LRRC28: variants seen among roughly 807,000 people sequenced by gnomAD.
LRRC28 encodes the protein leucine rich repeat containing 28, also known as leucine-rich repeat-containing protein 28.
LRRC28 carries 39 observed loss-of-function variants against 45.7 expected under a neutral mutation model. That is an observed-to-expected ratio of 0.85 (90% confidence interval 0.66 to 1.12). The LOEUF is 1.12. Among genes scored for constraint, LRRC28 ranks in the 50% most tolerant of loss-of-function variants. The pLI, the probability that LRRC28 is intolerant of heterozygous loss-of-function variation, is 0.00. For synonymous variants in LRRC28, 206 were observed against 178.8 expected, an observed-to-expected ratio of 1.15 and a Z score of -1.22; for missense variants, 435 against 438.5, an observed-to-expected ratio of 0.99 and a Z score of 0.07.
rs1228095732 is a variant in LRRC28, at chr15:99,385,970, A to G, written c.1032-60A>G. On this transcript the variant is annotated intron_variant, in intron 9 of 9. Transcript: ENST00000301981. ...ACAAAGAAAAAAGTTTCCAGCAGAA[A>G]GAATCAGAGACTTTAATCTTGAACT... The G allele has an allele frequency of 8.8e-6, 13 of 1,480,602 alleles. 1 individual carries two copies. The South Asian group carries it at 1.4e-4, about 16-fold the overall frequency. 91.7% of individuals were successfully genotyped at this position (1,480,602 alleles called of 1,614,324 possible).
At chr15:99,326,015 C>T (rs1425203306) in intron 5 of LRRC28, among the ~76,000 whole-genome samples, 2 of 152,018 alleles carry the variant, frequency 1.3e-5, no homozygotes, top group Non-Finnish European at 2.9e-5. Context: ...ATAGGCTGAG[C>T]TTGGTGTCAA....
intron 5 of LRRC28, among the ~76,000 whole-genome samples, chr15:99,288,985 T>C (rs2082038236): frequency 6.6e-6 from 1 of 152,148 alleles, no homozygotes; most frequent in Non-Finnish European, 1.5e-5. Flanking sequence ...TGACCTAGTA[T>C]GTTAACTTTG....
At chr15:99,260,955 CGTGTGT>C (rs2152127922) in intron 2 of LRRC28, among the ~76,000 whole-genome samples, 1 of 151,806 alleles carries the variant, frequency 6.6e-6, no homozygotes, top group South Asian at 2.1e-4. Context: ...AACATTTTTG[CGTGTGT>C]GTTAAATGCC....
chr15:99,254,749 G>C (rs932342529), intron 1 of LRRC28, among the ~76,000 whole-genome samples: 1 of 152,210 alleles, frequency 6.6e-6, no homozygotes, highest in Non-Finnish European at 1.5e-5. Context: ...AACTGATGGT[G>C]AAGTTTGTTT....
At chr15:99,350,204 A>G (rs1230818759) in intron 6 of LRRC28, among the ~76,000 whole-genome samples, 6 of 152,062 alleles carry the variant, frequency 3.9e-5, no homozygotes, top group African/African-American at 1.4e-4. Flanking sequence ...TTTCTTACCT[A>G]TAAGGATGGC....
intron 9 of LRRC28, 65 bp downstream of exon 9, chr15:99,363,330 G>C: frequency 6.4e-7 from 1 of 1,573,540 alleles, no homozygotes; most frequent in South Asian, 1.1e-5. Flanking sequence ...GGGGAGGGGA[G>C]AGGCTGTGCA....
At chr15:99,342,053 C>T (rs1259327983) in intron 6 of LRRC28, among the ~76,000 whole-genome samples, 3 of 152,198 alleles carry the variant, frequency 2.0e-5, no homozygotes, top group African/African-American at 7.2e-5. Flanking sequence ...CCATACTGGA[C>T]AGTCAGCCTG....
intron 3 of LRRC28, chr15:99,285,745 AC>A (rs2081941497): frequency 3.7e-6 from 2 of 541,856 alleles, no homozygotes; most frequent in Non-Finnish European, 6.8e-6. Flanking sequence ...TTTGATTTGG[AC>A]ATTTTAACGT....
chr15:99,333,360 G>A (rs1488439378), intron 5 of LRRC28, among the ~76,000 whole-genome samples: 3 of 152,018 alleles, frequency 2.0e-5, no homozygotes, highest in Non-Finnish European at 4.4e-5. Flanking sequence ...ATGCCTAAAC[G>A]GTATCTAAAA....
chr15:99,256,332 T>C, intron 2 of LRRC28: 1 of 403,298 alleles, frequency 2.5e-6, no homozygotes, highest in Non-Finnish European at 4.3e-6. Context: ...GGAGAAGTTG[T>C]GTAGGAAAGC....
At chr15:99,358,133 A>G (rs1957097254) in intron 7 of LRRC28, among the ~76,000 whole-genome samples, 2 of 152,214 alleles carry the variant, frequency 1.3e-5, no homozygotes, top group Admixed American at 1.3e-4. Flanking sequence ...ATAGCATACA[A>G]AGATTAGCAG....
intron 2 of LRRC28, chr15:99,258,263 C>T (rs934247190): frequency 1.3e-6 from 2 of 1,570,576 alleles, no homozygotes; most frequent in African/African-American, 1.3e-5. Context: ...CACTTCAAAA[C>T]ACAACAACGA....
intron 6 of LRRC28, among the ~76,000 whole-genome samples, chr15:99,343,073 C>T (rs1273477345): frequency 2.0e-5 from 3 of 151,926 alleles, no homozygotes; most frequent in Non-Finnish European, 1.5e-5. Context: ...ACTAAGAAGC[C>T]CACATTTTAT....
chr15:99,331,822 C>T (rs1304515979), intron 5 of LRRC28: 1 of 152,282 alleles, frequency 6.6e-6, no homozygotes, highest in African/African-American at 2.4e-5. Context: ...TGGTTTTAAC[C>T]CCCCGCCATG....
At chr15:99,268,013 A>T (rs1332620600) in intron 2 of LRRC28, among the ~76,000 whole-genome samples, 1 of 152,212 alleles carries the variant, frequency 6.6e-6, no homozygotes, top group Non-Finnish European at 1.5e-5. Flanking sequence ...TAAGAAGAGG[A>T]TAATGGCTGG....
At chr15:99,362,642 C>G (rs1957235274) in intron 8 of LRRC28, among the ~76,000 whole-genome samples, 1 of 152,156 alleles carries the variant, frequency 6.6e-6, no homozygotes. Flanking sequence ...TTTATTTCCT[C>G]CTTTTCATTC....
rs1957796105 is a variant in LRRC28, at chr15:99,380,790, T to C, written c.1032-5240T>C. 4.6e-5 allele frequency among the ~76,000 whole-genome samples: 7 copies of C among 152,368 alleles called. No homozygotes were observed. The South Asian group carries it at 1.4e-3, about 32-fold the overall frequency. ...AAGGATTTTATTTCTCCTTCACTTATGAAGCTTAATTTGGCTGGATATGAA... is the reference window on the plus strand; with the variant it reads ...AAGGATTTTATTTCTCCTTCACTTACGAAGCTTAATTTGGCTGGATATGAA... On this transcript the variant is annotated intron_variant, in intron 9 of 9. Transcript: ENST00000301981.
intron 9 of LRRC28, among the ~76,000 whole-genome samples, chr15:99,372,771 T>G (rs1957518858): frequency 6.6e-6 from 1 of 152,184 alleles, no homozygotes; most frequent in South Asian, 2.1e-4. Flanking sequence ...AGTCCGTTCT[T>G]ATGCTGCTGT....
intron 2 of LRRC28, among the ~76,000 whole-genome samples, chr15:99,269,479 C>T (rs1392471021): frequency 6.6e-6 from 1 of 152,042 alleles, no homozygotes; most frequent in Non-Finnish European, 1.5e-5. Context: ...ACTCAGCTTA[C>T]TGCAACCTCT....
Sources: allele counts gnomAD v4.1 joint callset (sites outside exome capture counted in the v4.1 genomes callset), GRCh38; gene constraint gnomAD v4.1.1; transcripts MANE v1.5; gene names NCBI Gene and HGNC (gene_info 2026-07-23, HGNC 2026-07-21).